The following IGSF10 variants were observed in gnomAD, a reference collection of about 807,000 sequenced individuals.
The protein encoded by IGSF10 is immunoglobulin superfamily member 10.
Under a neutral mutation model 128.2 loss-of-function variants are expected in IGSF10, and 126 were observed. That is an observed-to-expected ratio of 0.98 (90% CI 0.85 to 1.14). IGSF10 has a LOEUF of 1.14. IGSF10 is among the 50% of genes most tolerant of loss of function. The probability of loss-of-function intolerance (pLI) is 0.00; values close to 1 mark genes in which losing one functional copy is unlikely to be tolerated. For synonymous variants in IGSF10, 1,185 were observed against 1,146.2 expected, an observed-to-expected ratio of 1.03 and a Z score of -0.68; for missense variants, 3,295 against 3,149.8, an observed-to-expected ratio of 1.05 and a Z score of -1.10.
the IGSF10 span, among the ~76,000 whole-genome samples, chr3:151,616,529 A>G: frequency 6.6e-6 from 1 of 152,224 alleles, no homozygotes; most frequent in Non-Finnish European, 1.5e-5. Context: ...CTTCCAAAAT[A>G]AATACTTAGG....
the IGSF10 span, among the ~76,000 whole-genome samples, chr3:151,469,936 A>AT: frequency 2.0e-5 from 3 of 152,198 alleles, no homozygotes; most frequent in African/African-American, 7.2e-5. Flanking sequence ...AAATTCTAAT[A>AT]TTTTATTATC....
Position 151,447,356 on chromosome 3 carries a change from G to T in IGSF10, c.2625C>A (p.Asn875Lys). 1 of 1,614,150 alleles carries T rather than the reference G, an allele frequency of 6.2e-7. No homozygotes were observed. Among genetic ancestry groups the T allele is most frequent in the Non-Finnish European group, 8.5e-7 (1 of 1,180,026 alleles). Reference sequence around the variant, plus strand: ...CTTGTATTTGGCTTGACATGGTTGGGTTTATATTCTTTGACATGGCTGTAG... The same window carrying T: ...CTTGTATTTGGCTTGACATGGTTGGTTTTATATTCTTTGACATGGCTGTAG... ...IKTTAMSKNI[N>K]PTMSSQIQGT... Residue 875 changes from asparagine (N) to lysine (K), a missense_variant, in exon 6 of 8, where the codon AAC (asparagine) becomes AAA (lysine). By Grantham distance (94) the Asn-to-Lys change is moderately conservative. Transcript: ENST00000282466.
At chr3:151,533,015 C>T in the IGSF10 span, among the ~76,000 whole-genome samples, 3 of 149,004 alleles carry the variant, frequency 2.0e-5, no homozygotes, top group East Asian at 4.0e-4. Flanking sequence ...TTCCTATACA[C>T]CAATAGCAGA....
chr3:151,459,130 A>T (rs1721939317), intron 2 of IGSF10, among the ~76,000 whole-genome samples: 1 of 152,218 alleles, frequency 6.6e-6, no homozygotes, highest in African/African-American at 2.4e-5. Flanking sequence ...TGCATAATAA[A>T]ACATTTGGAA....
chr3:151,598,442 A>G, the IGSF10 span, among the ~76,000 whole-genome samples: 1 of 152,206 alleles, frequency 6.6e-6, no homozygotes, highest in Non-Finnish European at 1.5e-5. Flanking sequence ...TTGACCCCCA[A>G]ATGCAGTCAT....
At chr3:151,491,866 C>A in the IGSF10 span, among the ~76,000 whole-genome samples, 2 of 152,102 alleles carry the variant, frequency 1.3e-5, no homozygotes, top group African/African-American at 4.8e-5. Flanking sequence ...GCCAATATTT[C>A]TGATAAAAAT....
At chr3:151,560,350 T>C in the IGSF10 span, among the ~76,000 whole-genome samples, 156 of 152,214 alleles carry the variant, frequency 1.0e-3, no homozygotes, top group African/African-American at 3.5e-3. Flanking sequence ...AATTTGTGGC[T>C]ACCATCACCC....
chr3:151,441,520 C>T (rs1252683231), intron 7 of IGSF10, among the ~76,000 whole-genome samples: 1 of 152,186 alleles, frequency 6.6e-6, no homozygotes, highest in South Asian at 2.1e-4. Context: ...AGTATCAACT[C>T]GTGTCATTAG....
the IGSF10 span, among the ~76,000 whole-genome samples, chr3:151,540,462 T>C: frequency 1.3e-5 from 2 of 152,208 alleles, no homozygotes; most frequent in Non-Finnish European, 2.9e-5. Flanking sequence ...TTGTGTATAT[T>C]TGCAGATCAT....
chr3:151,506,261 C>CA, the IGSF10 span, among the ~76,000 whole-genome samples: 1 of 151,896 alleles, frequency 6.6e-6, no homozygotes, highest in Non-Finnish European at 1.5e-5. Context: ...CCTAGGCTTG[C>CA]TTTTTTTTCC....
At chr3:151,453,066 GCAC>G (rs985636244) in intron 5 of IGSF10, among the ~76,000 whole-genome samples, 15 of 152,058 alleles carry the variant, frequency 9.9e-5, no homozygotes, top group African/African-American at 3.1e-4. Flanking sequence ...GGATAGGCCA[GCAC>G]CACACTATGA....
chr3:151,470,755 C>A, the IGSF10 span, among the ~76,000 whole-genome samples: 1 of 152,140 alleles, frequency 6.6e-6, no homozygotes, highest in African/African-American at 2.4e-5. Flanking sequence ...AAAGCAGCAG[C>A]AGCAGTGGCC....
At chr3:151,510,244 C>T in the IGSF10 span, among the ~76,000 whole-genome samples, 1 of 152,192 alleles carries the variant, frequency 6.6e-6, no homozygotes, top group South Asian at 2.1e-4. Context: ...CGGACTGACA[C>T]CTCACACGGC....
At chr3:151,438,823 GAT>G (rs3975347) in intron 7 of IGSF10, among the ~76,000 whole-genome samples, 124,637 of 149,852 alleles carry the variant, frequency 0.83, 52,008 homozygotes, top group Middle Eastern at 0.97. Flanking sequence ...TACATTTTGA[GAT>G]ATATATATAT....
At chr3:151,519,639 T>C in the IGSF10 span, among the ~76,000 whole-genome samples, 14 of 151,802 alleles carry the variant, frequency 9.2e-5, no homozygotes, top group Non-Finnish European at 1.6e-4. Flanking sequence ...TGATAACTAA[T>C]AGACATCATC....
chr3:151,495,585 T>TA, the IGSF10 span, among the ~76,000 whole-genome samples: 5 of 115,916 alleles, frequency 4.3e-5, no homozygotes, highest in East Asian at 1.1e-3. Context: ...ACTGTTTTTT[T>TA]TATCAGACCT....
the IGSF10 span, among the ~76,000 whole-genome samples, chr3:151,591,723 G>A: frequency 6.6e-6 from 1 of 152,046 alleles, no homozygotes; most frequent in African/African-American, 2.4e-5. Flanking sequence ...GCTTGCTGGA[G>A]AAATGGCACT....
At chr3:151,494,383 T>C in the IGSF10 span, among the ~76,000 whole-genome samples, 1 of 152,082 alleles carries the variant, frequency 6.6e-6, no homozygotes, top group East Asian at 1.9e-4. Flanking sequence ...CCCAGGCATA[T>C]CTTGAATGGG....
At chr3:151,578,190 A>G in the IGSF10 span, among the ~76,000 whole-genome samples, 2 of 152,200 alleles carry the variant, frequency 1.3e-5, no homozygotes, top group African/African-American at 4.8e-5. Flanking sequence ...AAAAAATGAA[A>G]GAAATTACCT....
Sources: allele counts gnomAD v4.1 joint callset (sites outside exome capture counted in the v4.1 genomes callset), GRCh38; gene constraint gnomAD v4.1.1; transcripts MANE v1.5; gene names NCBI Gene and HGNC (gene_info 2026-07-23, HGNC 2026-07-21).